Variants in PRMT8 observed in about 807,000 individuals in gnomAD.
PRMT8 encodes protein arginine N-methyltransferase 8.
In PRMT8, 7 loss-of-function variants were observed where a neutral mutation model predicts 47.1. That is an observed-to-expected ratio of 0.15 (90% CI 0.08 to 0.28). The LOEUF (loss-of-function observed/expected upper bound fraction) is 0.28, where lower values mean the gene tolerates loss of function less well. Among genes scored for constraint, PRMT8 ranks in the 10% least tolerant of loss-of-function variants. The pLI is 1.00. For missense variants in PRMT8, 237 were observed against 505.4 expected (o/e 0.47, Z 5.09); for synonymous variants, 188 against 186.5 (o/e 1.01, Z -0.07).
At chr12:3,516,875 A>G (rs1383511704) in intron 1 of PRMT8, among the ~76,000 whole-genome samples, 1 of 152,144 alleles carries the variant, frequency 6.6e-6, no homozygotes, top group Non-Finnish European at 1.5e-5. Context: ...CCAGTCTGCA[A>G]AATAGCTCAC....
chr12:3,474,709 C>T (rs1865193238), intron 1 of PRMT8, among the ~76,000 whole-genome samples: 1 of 152,306 alleles, frequency 6.6e-6, no homozygotes, highest in South Asian at 2.1e-4. Flanking sequence ...CCTAAAGGTT[C>T]CAAAGCAGTC....
intron 1 of PRMT8, among the ~76,000 whole-genome samples, chr12:3,531,766 C>T (rs369433378): frequency 1.3e-5 from 2 of 152,188 alleles, no homozygotes; most frequent in Non-Finnish European, 2.9e-5. Flanking sequence ...AAGGTGGCGG[C>T]GCCCACACCC....
chr12:3,496,129 G>T (rs1865500161), intron 1 of PRMT8, among the ~76,000 whole-genome samples: 1 of 144,238 alleles, frequency 6.9e-6, no homozygotes, highest in Non-Finnish European at 1.5e-5. Context: ...CCTGATTAGG[G>T]TTTTATCACC....
At chr12:3,486,639 T>A (rs1865326090), upstream of PRMT8, among the ~76,000 whole-genome samples, 1 of 152,144 alleles carries the variant, frequency 6.6e-6, no homozygotes, top group African/African-American at 2.4e-5. Flanking sequence ...GTCCACCCAG[T>A]AGAAAAAGCT....
chr12:3,585,444 G>A (rs1329653801), intron 8 of PRMT8, among the ~76,000 whole-genome samples: 1 of 126,568 alleles, frequency 7.9e-6, no homozygotes, highest in African/African-American at 3.0e-5. Flanking sequence ...CTGCAGCCTT[G>A]ACCTCCTGGG....
intron 1 of PRMT8, among the ~76,000 whole-genome samples, chr12:3,469,913 A>T (rs928299771): frequency 1.3e-5 from 2 of 152,122 alleles, no homozygotes; most frequent in Admixed American, 6.5e-5. Flanking sequence ...CCGCAGACAC[A>T]CACACAGCAT....
chr12:3,477,788 C>G (rs1455436068), intron 1 of PRMT8, among the ~76,000 whole-genome samples: 1 of 152,186 alleles, frequency 6.6e-6, no homozygotes. Context: ...TGAAGATTGA[C>G]TTGGAGGAAC....
Position 3,491,550 on chromosome 12 carries a change from GCT to G in PRMT8, c.-69_-68del. On this transcript the variant is annotated 5_prime_UTR_variant, in exon 1 of 10. Transcript: ENST00000382622. Reference sequence around the variant, plus strand: ...ATTTTTTTTTTTCTCCCATCCTCTCGCTCTCTCTTTTAAAGCGACACCAGCTC... The same window carrying G: ...ATTTTTTTTTTTCTCCCATCCTCTCGCTCTCTTTTAAAGCGACACCAGCTC... 4 of 1,496,256 alleles carry G rather than the reference GCT, an allele frequency of 2.7e-6. No individual in the cohort carries two copies. The highest frequency in any genetic ancestry group is 1.3e-5 in the South Asian group (1 of 76,254). 92.7% of individuals were successfully genotyped at this position (1,496,256 alleles called of 1,614,324 possible).
chr12:3,579,889 C>A (rs1368100740), intron 7 of PRMT8, among the ~76,000 whole-genome samples: 1 of 152,116 alleles, frequency 6.6e-6, no homozygotes, highest in Non-Finnish European at 1.5e-5. Context: ...CTGCTTCAAG[C>A]GGGTCACCTG....
chr12:3,592,549 G>A (rs1867331431), intron 9 of PRMT8, among the ~76,000 whole-genome samples, 197 bp downstream of exon 9: 1 of 152,102 alleles, frequency 6.6e-6, no homozygotes, highest in Non-Finnish European at 1.5e-5. Context: ...TCCGCAAATA[G>A]AGGTTTTCCC....
At position 3,538,221 on chromosome 12, in the gene PRMT8, T is replaced by C. The variant is rs1214414746; in HGVS notation, c.76-2385T>C. 1.3e-5 allele frequency: 2 copies of C among 155,032 alleles called. No individual in the cohort carries two copies. Among genetic ancestry groups the C allele is most frequent in the Non-Finnish European group, 2.9e-5 (2 of 69,860 alleles). The allele number at this position is 155,032 out of a possible 1,614,324, so 9.6% of individuals were successfully genotyped here. A position where few individuals can be genotyped will look rare whatever the true frequency, so the allele number is the denominator to read the frequency against. ...CTCTCTGCATTAAAGTGAATTCTCT[T>C]TCCTGTGAACCTCCAGAACAATTTG... is the stretch of plus-strand genomic sequence containing the variant. On this transcript the variant is annotated intron_variant, in intron 1 of 9. Coordinates refer to ENST00000382622, the MANE Select transcript of PRMT8 (RefSeq NM_019854.5). The surrounding 1 kb of genome is among the most constrained non-coding windows in gnomAD (Gnocchi z 4.6).
rs1400485040 is a variant in PRMT8, at chr12:3,491,655, G to T, written c.30G>T (p.Leu10=). 1.2e-6 allele frequency: 2 copies of T among 1,612,566 alleles called. No individual in the cohort carries two copies. The highest frequency in any genetic ancestry group is 1.3e-5 in the African/African-American group (1 of 74,808). MGMKHSSRC[L]LLRRKMAENA... is the part of the protein sequence containing the mutation. The stretch of plus-strand genomic sequence containing the variant: ...GCATGAAACACTCCTCCCGCTGCCT[G>T]CTCCTGAGGAGGAAAATGGCGGAGA... The change falls in exon 1 of 10, where the codon CTG becomes CTT. Residue 10 remains leucine, a synonymous_variant. Transcript: ENST00000382622.
At position 3,550,878 on chromosome 12, in the gene PRMT8, CTGA is replaced by C. The variant is rs1196730729; in HGVS notation, c.417+789_417+791del. 5 of 152,244 alleles carry C rather than the reference CTGA, an allele frequency of 3.3e-5. No homozygotes were observed. The highest frequency in any genetic ancestry group is 1.2e-4 in the African/African-American group (5 of 41,446). 9.4% of individuals were successfully genotyped at this position (152,244 alleles called of 1,614,324 possible). ...AAAAAGAAGAGCTGCGAGATGCTGG[CTGA>C]TATTTGAAAAATGCAGTGGGCCCAG... On this transcript the variant is annotated intron_variant, in intron 3 of 9. Transcript: ENST00000382622. The surrounding 1 kb of genome is among the most constrained non-coding windows in gnomAD (Gnocchi z 5.1).
chr12:3,532,441 C>T (rs1866046205), intron 1 of PRMT8, among the ~76,000 whole-genome samples: 1 of 149,922 alleles, frequency 6.7e-6, no homozygotes, highest in South Asian at 2.1e-4. Context: ...GAAACCCCGT[C>T]TCTACTAAAA....
At chr12:3,534,280 A>C (rs1336624330) in intron 1 of PRMT8, among the ~76,000 whole-genome samples, 1 of 152,208 alleles carries the variant, frequency 6.6e-6, no homozygotes, top group Non-Finnish European at 1.5e-5. Flanking sequence ...GTTCTCAGGG[A>C]AATCATTTTA....
chr12:3,586,861 A>G (rs1867186993), intron 8 of PRMT8, among the ~76,000 whole-genome samples: 1 of 152,226 alleles, frequency 6.6e-6, no homozygotes, highest in Non-Finnish European at 1.5e-5. Flanking sequence ...TGGCTGACGT[A>G]GATCCCTCTT....
chr12:3,592,308 G>T lies in PRMT8; in HGVS notation c.1057G>T (p.Glu353Ter). ...TTACCTCACTGTCCGGAGGGGGGAG[G>T]AAATCTACGGGACCATATCCATGAA... ...EDYLTVRRGE[E>*]IYGTISMKPN... The change falls in exon 9 of 10, where the codon GAA becomes TAA. Residue 353 changes from glutamate to a stop codon, truncating the protein, a stop_gained. Transcript: ENST00000382622. LOFTEE classifies it high-confidence loss of function. 1 of 1,598,050 alleles carries T rather than the reference G, an allele frequency of 6.3e-7. No individual in the cohort carries two copies. Among genetic ancestry groups the T allele is most frequent in the Non-Finnish European group, 8.5e-7 (1 of 1,173,562 alleles).
intron 1 of PRMT8, among the ~76,000 whole-genome samples, chr12:3,430,765 G>A (rs1054544784): frequency 3.9e-5 from 6 of 152,156 alleles, no homozygotes; most frequent in East Asian, 1.9e-4. Flanking sequence ...TCATTTACTC[G>A]TCCATTCATT....
At chr12:3,578,899 A>G (rs966513251) in intron 7 of PRMT8, among the ~76,000 whole-genome samples, 3 of 152,202 alleles carry the variant, frequency 2.0e-5, no homozygotes, top group Non-Finnish European at 4.4e-5. Context: ...TCTCTTTAGT[A>G]GCATCCTGCC....
Sources: allele counts gnomAD v4.1 joint callset (sites outside exome capture counted in the v4.1 genomes callset), GRCh38; gene constraint gnomAD v4.1.1; non-coding constraint Gnocchi (gnomAD v3.1); transcripts MANE v1.5; gene names NCBI Gene and HGNC (gene_info 2026-07-23, HGNC 2026-07-21).